Variants in NTRK3 observed in about 807,000 individuals in gnomAD.
NTRK3 encodes the protein neurotrophic receptor tyrosine kinase 3.
In NTRK3, 24 loss-of-function variants were observed where a neutral mutation model predicts 91.7. That is an observed-to-expected ratio of 0.26 (90% CI 0.19 to 0.37). The LOEUF is 0.37. NTRK3 is among the 10% of genes least tolerant of loss of function. The pLI, the probability that NTRK3 is intolerant of heterozygous loss-of-function variation, is 1.00. For missense variants in NTRK3, 880 were observed against 1,068.9 expected, an observed-to-expected ratio of 0.82 and a Z score of 2.46; for synonymous variants, 483 against 404.0, an observed-to-expected ratio of 1.20 and a Z score of -2.34.
At chr15:87,921,103 C>G (rs538782699) in intron 17 of NTRK3, among the ~76,000 whole-genome samples, 360 of 152,266 alleles carry the variant, frequency 2.4e-3, no homozygotes, top group Non-Finnish European at 3.8e-3. Context: ...TTCTGTACAT[C>G]TAAAATTACT....
At chr15:88,105,266 G>A (rs1052846474) in intron 13 of NTRK3, among the ~76,000 whole-genome samples, 4 of 152,200 alleles carry the variant, frequency 2.6e-5, no homozygotes, top group Non-Finnish European at 5.9e-5. Context: ...GTGCTGGAGA[G>A]TATTGGCCTG....
intron 13 of NTRK3, among the ~76,000 whole-genome samples, chr15:88,063,149 A>T (rs893897994): frequency 6.6e-6 from 1 of 152,242 alleles, no homozygotes; most frequent in Non-Finnish European, 1.5e-5. Flanking sequence ...TTTGCTGTGA[A>T]GATTAATTCA....
intron 3 of NTRK3, among the ~76,000 whole-genome samples, chr15:88,184,775 G>A (rs1366930597): frequency 3.9e-5 from 6 of 152,210 alleles, no homozygotes; most frequent in Admixed American, 1.3e-4. Flanking sequence ...CATAGCCAAG[G>A]AGGGACACAC....
rs560880483 is a variant in NTRK3, at chr15:88,212,975, G to T, written c.249-28676C>A. 3.9e-5 allele frequency among the ~76,000 whole-genome samples: 6 copies of T among 152,372 alleles called. No individual in the cohort carries two copies. The East Asian group carries it at 1.2e-3, about 29-fold the overall frequency. ...CCGATGCCCACGCTGAGACATTGCA[G>T]GGCTGTGGGGTCCCATCGCCTGGGC... On this transcript the variant is annotated intron_variant, in intron 3 of 18. Coordinates refer to ENST00000394480, the Ensembl canonical transcript of NTRK3.
chr15:88,033,041 G>A (rs972922972), exon 14 of NTRK3: 25 of 1,579,072 alleles, frequency 1.6e-5, no homozygotes, highest in African/African-American at 2.7e-5. Flanking sequence ...TGACAGCCAC[G>A]GGACCTGCAC....
At chr15:88,088,610 A>G (rs1252363224) in intron 13 of NTRK3, among the ~76,000 whole-genome samples, 1 of 152,244 alleles carries the variant, frequency 6.6e-6, no homozygotes, top group Admixed American at 6.5e-5. Context: ...CCATTATCAT[A>G]TAATACATAG....
chr15:87,947,438 T>C (rs2070675789), intron 14 of NTRK3, among the ~76,000 whole-genome samples: 1 of 152,120 alleles, frequency 6.6e-6, no homozygotes, highest in Non-Finnish European at 1.5e-5. Flanking sequence ...ACCAATAACA[T>C]CTGTAAAGAG....
intron 17 of NTRK3, among the ~76,000 whole-genome samples, chr15:87,908,748 G>A (rs540683992): frequency 6.6e-5 from 10 of 152,232 alleles, no homozygotes; most frequent in Middle Eastern, 6.8e-3. Flanking sequence ...GGAGGACAGC[G>A]GAAGACCGCA....
chr15:87,975,210 TA>T (rs1035360706), intron 14 of NTRK3, among the ~76,000 whole-genome samples: 3 of 152,060 alleles, frequency 2.0e-5, no homozygotes, highest in African/African-American at 7.2e-5. Flanking sequence ...GTAATGCTAG[TA>T]AAAAAGTCCA....
chr15:87,915,473 C>T (rs965966668), intron 17 of NTRK3, among the ~76,000 whole-genome samples: 1 of 152,244 alleles, frequency 6.6e-6, no homozygotes, highest in South Asian at 2.1e-4. Context: ...ACTAACTCCA[C>T]AATAGAAAAG....
chr15:88,192,078 C>T (rs957152551), intron 3 of NTRK3, among the ~76,000 whole-genome samples: 8 of 152,252 alleles, frequency 5.3e-5, no homozygotes, highest in African/African-American at 2.4e-5. Flanking sequence ...ACATTCAGAT[C>T]ATGCAGCAAA....
intron 14 of NTRK3, among the ~76,000 whole-genome samples, chr15:87,950,149 T>C (rs1044097482): frequency 6.6e-6 from 1 of 152,200 alleles, no homozygotes; most frequent in African/African-American, 2.4e-5. Context: ...CACAATGTGC[T>C]AAAGGCTGTC....
intron 14 of NTRK3, among the ~76,000 whole-genome samples, chr15:88,026,182 A>T (rs2078023398): frequency 6.6e-6 from 1 of 152,114 alleles, no homozygotes; most frequent in African/African-American, 2.4e-5. Context: ...GAGGCAGGAG[A>T]ACGGTGTGAA....
At chr15:88,084,214 C>T (rs1182266490) in intron 13 of NTRK3, among the ~76,000 whole-genome samples, 2 of 151,964 alleles carry the variant, frequency 1.3e-5, no homozygotes, top group Non-Finnish European at 2.9e-5. Flanking sequence ...TCCTGCTTCC[C>T]CAGAGACCCC....
At chr15:87,868,258 G>A (rs1272107622) in exon 19 of NTRK3, 9 of 229,220 alleles carry the variant, frequency 3.9e-5, no homozygotes, top group African/African-American at 1.8e-4. Flanking sequence ...CGAGCACCTA[G>A]AATAAAACAC....
At chr15:88,236,514 TA>T (rs60187446) in intron 3 of NTRK3, among the ~76,000 whole-genome samples, 32,350 of 53,564 alleles carry the variant, frequency 0.6, 9,055 homozygotes, top group Non-Finnish European at 0.69. Flanking sequence ...CCTCTATTAT[TA>T]AAAAAAAAAA....
chr15:87,930,298 T>G lies in NTRK3; in HGVS notation c.1890-864A>C, dbSNP rs565469587. Among the ~76,000 whole-genome samples the G allele has an allele frequency of 4.6e-5, 7 of 152,274 alleles. No individual in the cohort carries two copies. In the South Asian group the frequency reaches 1.5e-3, roughly 32 times the overall value. On this transcript the variant is annotated intron_variant, in intron 16 of 18. Coordinates refer to ENST00000394480, the Ensembl canonical transcript of NTRK3. ...TGATCATATCAGTCACTTTTAGCAT[T>G]CACTCTTTTCTCTAGAAAGCCCAGT...
intron 3 of NTRK3, among the ~76,000 whole-genome samples, chr15:88,238,012 C>T (rs1309655838): frequency 6.6e-6 from 1 of 152,066 alleles, no homozygotes; most frequent in Non-Finnish European, 1.5e-5. Context: ...TGGGGTAGCC[C>T]TAATTCAAAA....
chr15:88,177,421 A>T (rs557593012), intron 5 of NTRK3, among the ~76,000 whole-genome samples: 30 of 152,236 alleles, frequency 2.0e-4, no homozygotes, highest in Non-Finnish European at 4.0e-4. Context: ...AATAGATATG[A>T]GGATGGAAAG....
Sources: gnomAD v4.1 joint callset for allele counts (sites outside exome capture counted in the v4.1 genomes callset) on GRCh38, gnomAD v4.1.1 for gene constraint, MANE v1.5 for transcripts, NCBI Gene and HGNC (gene_info 2026-07-23, HGNC 2026-07-21) for gene names.